MPRIP: variants seen among roughly 807,000 people sequenced by gnomAD.
The protein encoded by MPRIP is myosin phosphatase Rho-interacting protein.
Under a neutral mutation model 234.9 loss-of-function variants are expected in MPRIP, and 59 were observed. The observed-to-expected ratio is 0.25, with a 90% CI of 0.20 to 0.31. The LOEUF is 0.31. MPRIP is among the 10% of genes least tolerant of loss of function. MPRIP has a pLI of 1.00. For synonymous variants in MPRIP, 1,144 were observed against 1,263.9 expected (o/e 0.91, Z 2.01); for missense variants, 2,436 against 3,071.0 (o/e 0.79, Z 4.89).
At chr17:17,103,406 G>T (rs1244328777) in intron 3 of MPRIP, among the ~76,000 whole-genome samples, 1 of 152,230 alleles carries the variant, frequency 6.6e-6, no homozygotes, top group African/African-American at 2.4e-5. Context: ...TTTGGGAGCA[G>T]CGGCTGCTAT....
chr17:17,060,735 A>G (rs897396216), intron 1 of MPRIP, among the ~76,000 whole-genome samples: 3 of 152,192 alleles, frequency 2.0e-5, no homozygotes, highest in African/African-American at 7.2e-5. Context: ...CTCCCGGGAC[A>G]GGGCTCTGGG....
chr17:17,151,042 A>ATTATTATTAT (rs1264971711), intron 12 of MPRIP, among the ~76,000 whole-genome samples: 1 of 149,806 alleles, frequency 6.7e-6, no homozygotes, highest in Non-Finnish European at 1.5e-5. Flanking sequence ...TATTATTATT[A>ATTATTATTAT]TCATTATTTA....
chr17:17,176,962 G>A (rs1567779355), intron 21 of MPRIP, among the ~76,000 whole-genome samples: 1 of 152,174 alleles, frequency 6.6e-6, no homozygotes, highest in Non-Finnish European at 1.5e-5. Context: ...GAGGGGCCTG[G>A]GCACTCAGGG....
rs756535054 is a variant in MPRIP at position 17,164,199 on chromosome 17, C to T, written c.2608C>T (p.Arg870Cys). 19 of 1,304,204 alleles carry T rather than the reference C, an allele frequency of 1.5e-5. No homozygotes were observed. Among genetic ancestry groups the T allele is most frequent in the South Asian group, 4.9e-5 (4 of 81,030 alleles). The allele number at this position is 1,304,204 out of a possible 1,614,324, so 80.8% of individuals were successfully genotyped here. The change falls in exon 16 of 24, where the codon CGC (arginine) becomes TGC (cysteine). Residue 870 changes from arginine (R) to cysteine (C), a missense_variant. Physicochemically the swap from Arg to Cys is radical, Grantham distance 180. Coordinates refer to ENST00000651222, the MANE Select transcript of MPRIP (RefSeq NM_001364716.4). The stretch of plus-strand genomic sequence containing the variant: ...AAGTGAGCTTGAAGCCCAGTGCCAG[C>T]GCCAGGAGCTGATTACACACCAGAT... ...LQSELEAQCQRQELITHQIQT... is the reference protein window; with the variant it reads ...LQSELEAQCQCQELITHQIQT...
At chr17:17,148,103 G>A (rs1249697524) in intron 11 of MPRIP, among the ~76,000 whole-genome samples, 8 of 152,180 alleles carry the variant, frequency 5.3e-5, no homozygotes, top group East Asian at 1.9e-4. Flanking sequence ...ATTAAGGGCC[G>A]GGATATGTAT....
rs180918036 is a variant in MPRIP at position 17,185,295 on chromosome 17, G to A, written c.*401G>A. 1,221 of 350,394 alleles carry A rather than the reference G, an allele frequency of 3.5e-3. 10 individuals carry two copies. The highest frequency in any genetic ancestry group is 0.019 in the Middle Eastern group (18 of 960). The allele number at this position is 350,394 out of a possible 1,614,324, so 21.7% of individuals were successfully genotyped here. On this transcript the variant is annotated 3_prime_UTR_variant, in exon 24 of 24. Coordinates refer to ENST00000651222, the MANE Select transcript of MPRIP (RefSeq NM_001364716.4). Reference sequence around the variant, plus strand: ...CAGCCAGCACGCCTCAAGGTAGATGGAATCCCCACTGGTCAGAGAAAAAGC... The same window carrying A: ...CAGCCAGCACGCCTCAAGGTAGATGAAATCCCCACTGGTCAGAGAAAAAGC...
intron 1 of MPRIP, chr17:17,057,591 C>G (rs1319345681): frequency 1.4e-6 from 1 of 717,980 alleles, no homozygotes; most frequent in African/African-American, 1.7e-5. Flanking sequence ...CTTTGCTACG[C>G]TGTTCATCAC....
chr17:17,138,168 C>A lies in MPRIP; in HGVS notation c.989C>A (p.Ser330Tyr). The change falls in exon 7 of 24, where the codon TCC (serine) becomes TAC (tyrosine). Residue 330 changes from serine (S) to tyrosine (Y), a missense_variant. By Grantham distance (144) the Ser-to-Tyr change is moderately radical. Transcript: ENST00000651222. The surrounding 1 kb of genome is among the most constrained non-coding windows in gnomAD (Gnocchi z 5.8). Reference protein sequence around the residue: ...RLPHQMVCSISLSSLDVASQP... With the variant: ...RLPHQMVCSIYLSSLDVASQP... ...CCCCACCAAATGGTCTGCAGCATCTCCCTCAGCTCCCTGGATGTGGCCAGC... is the reference window on the plus strand; with the variant it reads ...CCCCACCAAATGGTCTGCAGCATCTACCTCAGCTCCCTGGATGTGGCCAGC... 8.6e-7 allele frequency: 1 copy of A among 1,164,612 alleles called. No homozygotes were observed. The highest frequency in any genetic ancestry group is 1.2e-6 in the Non-Finnish European group (1 of 832,768). The allele number at this position is 1,164,612 out of a possible 1,614,324, so 72.1% of individuals were successfully genotyped here.
intron 13 of MPRIP, among the ~76,000 whole-genome samples, chr17:17,155,003 G>A (rs2045695712): frequency 6.6e-6 from 1 of 152,204 alleles, no homozygotes; most frequent in Non-Finnish European, 1.5e-5. Flanking sequence ...AGAAGACTCA[G>A]ACATATCTAA....
Position 17,118,616 on chromosome 17 carries a change from G to A in MPRIP, c.268-8086G>A, listed in dbSNP as rs538467190. ...GACTGTGGAGTACACCAGGACTGGC[G>A]GTGACGACTGGGAAGGGGGAAGGGA... On this transcript the variant is annotated intron_variant, in intron 3 of 23. Transcript: ENST00000651222. 9.8e-5 allele frequency among the ~76,000 whole-genome samples: 15 copies of A among 152,292 alleles called. No homozygotes were observed. The South Asian group carries it at 1.7e-3, about 17-fold the overall frequency.
At chr17:17,076,480 A>G (rs2089330966) in intron 2 of MPRIP, 2 of 151,952 alleles carry the variant, frequency 1.3e-5, no homozygotes, top group Admixed American at 1.3e-4. Flanking sequence ...CCTGAATATT[A>G]CACTTTGGAG....
Position 17,173,928 on chromosome 17 carries a change from G to A in MPRIP, c.6603G>A (p.Gln2201=). The A allele has an allele frequency of 1.2e-6, 2 of 1,613,534 alleles. No homozygotes were observed. The highest frequency in any genetic ancestry group is 8.5e-7 in the Non-Finnish European group (1 of 1,179,910). ...ALRRQYLEEL[Q]SVQRELEVLS... is the part of the protein sequence containing the mutation. ...GCCCTCTCCCCAGGGAGGAGCTGCA[G>A]TCGGTGCAGCGGGAACTGGAGGTCC... is the stretch of plus-strand genomic sequence containing the variant. The change falls in exon 19 of 24, where the codon CAG becomes CAA. Residue 2201 remains glutamine, a synonymous_variant. Coordinates refer to ENST00000651222, the MANE Select transcript of MPRIP (RefSeq NM_001364716.4).
intron 22 of MPRIP, chr17:17,178,421 T>G (rs2046303371): frequency 6.6e-6 from 1 of 152,214 alleles, no homozygotes; most frequent in South Asian, 2.1e-4. Context: ...GTAGTCAGGC[T>G]TGGTGGTAGG....
At position 17,047,030 on chromosome 17, in the gene MPRIP, T is replaced by C. The variant is rs557867043; in HGVS notation, c.123+4059T>C. ...CTGTCTCTACTAAAAATACAAAAAC[T>C]AGCTGGGTGTGGTGGCACATGCCTG... On this transcript the variant is annotated intron_variant, in intron 1 of 23. Transcript: ENST00000651222. 1.7e-4 allele frequency among the ~76,000 whole-genome samples: 26 copies of C among 152,180 alleles called. 1 individual carries two copies. In the East Asian group the frequency reaches 2.3e-3, roughly 14 times the overall value.
intron 9 of MPRIP, among the ~76,000 whole-genome samples, chr17:17,145,460 G>A (rs923408199): frequency 2.7e-4 from 41 of 152,316 alleles, no homozygotes; most frequent in African/African-American, 9.4e-4. Context: ...AAGGACAAGA[G>A]CGCTGTGCCT....
chr17:17,166,789 T>G lies in MPRIP; in HGVS notation c.5198T>G (p.Leu1733Arg). 1 of 1,304,226 alleles carries G rather than the reference T, an allele frequency of 7.7e-7. No homozygotes were observed. Among genetic ancestry groups the G allele is most frequent in the East Asian group, 5.6e-5 (1 of 18,018 alleles). 80.8% of individuals were successfully genotyped at this position (1,304,226 alleles called of 1,614,324 possible). Residue 1733 changes from leucine to arginine, a missense_variant, in exon 16 of 24, where the codon CTT becomes CGT. Around this residue, in one of 4 missense-constraint regions of MPRIP, gnomAD observed 1,998 missense variants for 2,520.3 expected, o/e 0.79. Coordinates refer to ENST00000651222, the MANE Select transcript of MPRIP (RefSeq NM_001364716.4). The surrounding 1 kb of genome is among the most constrained non-coding windows in gnomAD (Gnocchi z 4.4). ...VMQQVLEALR[L>R]PAGHEDGVQL... The stretch of plus-strand genomic sequence containing the variant: ...CAGCAGGTCTTGGAAGCCCTCAGGC[T>G]TCCAGCGGGCCATGAAGATGGTGTT...
Position 17,165,846 on chromosome 17 carries a change from C to T in MPRIP, c.4255C>T (p.His1419Tyr). The T allele has an allele frequency of 7.7e-7, 1 of 1,304,286 alleles. No individual in the cohort carries two copies. Among genetic ancestry groups the T allele is most frequent in the Non-Finnish European group, 1.0e-6 (1 of 988,980 alleles). The allele number at this position is 1,304,286 out of a possible 1,614,324, so 80.8% of individuals were successfully genotyped here. ...GQSREALLAL[H>Y]HQWAGTEAQL... is the part of the protein sequence containing the mutation. ...GAGCCGTGAGGCACTGCTCGCACTGCACCACCAGTGGGCGGGCACCGAGGC... is the reference window on the plus strand; with the variant it reads ...GAGCCGTGAGGCACTGCTCGCACTGTACCACCAGTGGGCGGGCACCGAGGC... The change falls in exon 16 of 24, where the codon CAC becomes TAC. Residue 1419 changes from histidine to tyrosine, a missense_variant. By Grantham distance (83) the His-to-Tyr change is moderately conservative. Transcript: ENST00000651222.
chr17:17,126,645 C>T lies in MPRIP; in HGVS notation c.268-57C>T, dbSNP rs567300843. ...GGGTCAGGAATGGCCTGGGGCTGTA[C>T]GACATCTGTGGCCCCATTGGCTGGC... On this transcript the variant is annotated intron_variant, in intron 3 of 23. Coordinates refer to ENST00000651222, the MANE Select transcript of MPRIP (RefSeq NM_001364716.4). 82 of 1,558,082 alleles carry T rather than the reference C, an allele frequency of 5.3e-5. 3 individuals are homozygous for T. The South Asian group carries it at 8.7e-4, about 16-fold the overall frequency.
chr17:17,102,498 C>T (rs1236204609), intron 3 of MPRIP, among the ~76,000 whole-genome samples: 2 of 152,236 alleles, frequency 1.3e-5, no homozygotes, highest in Non-Finnish European at 2.9e-5. Flanking sequence ...CGTCAGGGCA[C>T]GTGTGGAGTG....
Sources: gnomAD v4.1 joint callset for allele counts (sites outside exome capture counted in the v4.1 genomes callset) on GRCh38, gnomAD v4.1.1 for gene constraint, gnomAD v4.1.1 regional missense constraint, Gnocchi (gnomAD v3.1) non-coding constraint, MANE v1.5 for transcripts, NCBI Gene and HGNC (gene_info 2026-07-23, HGNC 2026-07-21) for gene names.